PRKCI: variants seen among roughly 807,000 people sequenced by gnomAD.
The protein encoded by PRKCI is protein kinase C iota type.
Under a neutral mutation model 84.0 loss-of-function variants are expected in PRKCI, and 43 were observed. That is an observed-to-expected ratio of 0.51 (90% CI 0.40 to 0.66). PRKCI has a LOEUF of 0.66. Ranked by LOEUF, PRKCI falls within the 30% of genes least tolerant of loss-of-function variation. The pLI is 0.00. For missense variants in PRKCI, 459 were observed against 745.6 expected (o/e 0.62, Z 4.48); for synonymous variants, 216 against 234.4 (o/e 0.92, Z 0.72).
rs774108213 is a variant in PRKCI, at chr3:170,235,366, C to T, written c.223+15C>T. On this transcript the variant is annotated intron_variant, in intron 2 of 17. Transcript: ENST00000295797. ...AGATGAGGAAGGTGAGTGGTAAAGA[C>T]AGGGCTGCCTGTGTAAGCATTTTAA... The T allele has an allele frequency of 6.2e-7, 1 of 1,612,924 alleles. No homozygotes were observed. The highest frequency in any genetic ancestry group is 8.5e-7 in the Non-Finnish European group (1 of 1,179,298).
chr3:170,235,377 G>A (rs1418661997), intron 2 of PRKCI, 26 bp downstream of exon 2: 4 of 1,609,628 alleles, frequency 2.5e-6, no homozygotes, highest in East Asian at 2.2e-5. Context: ...AGGGCTGCCT[G>A]TGTAAGCATT....
intron 2 of PRKCI, among the ~76,000 whole-genome samples, chr3:170,258,923 A>G (rs2108847913): frequency 6.6e-6 from 1 of 152,300 alleles, no homozygotes; most frequent in East Asian, 1.9e-4. Flanking sequence ...TTTTAAAGAA[A>G]CAGGTAACAG....
At chr3:170,293,642 A>G in intron 14 of PRKCI, 134 bp downstream of exon 14, 1 of 1,079,296 alleles carries the variant, frequency 9.3e-7, no homozygotes, top group Non-Finnish European at 1.3e-6. Flanking sequence ...TGGTGGTATT[A>G]GGTTTTGTTG....
intron 1 of PRKCI, among the ~76,000 whole-genome samples, chr3:170,223,997 A>G (rs1442307808): frequency 6.6e-6 from 1 of 151,832 alleles, no homozygotes; most frequent in East Asian, 1.9e-4. Flanking sequence ...TACATGTGCC[A>G]TACTGGTGTG....
chr3:170,261,689 G>T (rs1733731959), intron 3 of PRKCI, among the ~76,000 whole-genome samples: 1 of 151,918 alleles, frequency 6.6e-6, no homozygotes, highest in South Asian at 2.1e-4. Context: ...TCACCATGTT[G>T]GCCAGGCTGG....
intron 5 of PRKCI, among the ~76,000 whole-genome samples, chr3:170,269,669 A>G (rs1733951493): frequency 6.6e-6 from 1 of 151,628 alleles, no homozygotes; most frequent in Non-Finnish European, 1.5e-5. Flanking sequence ...AATAAATAAA[A>G]AGAGAGACCA....
intron 2 of PRKCI, among the ~76,000 whole-genome samples, chr3:170,259,330 C>T (rs1733665953): frequency 6.6e-6 from 1 of 151,394 alleles, no homozygotes. Flanking sequence ...GTGATCATGT[C>T]ACTGCATTCA....
intron 12 of PRKCI, among the ~76,000 whole-genome samples, chr3:170,287,406 A>G (rs1040637985): frequency 6.6e-6 from 1 of 151,912 alleles, no homozygotes; most frequent in Non-Finnish European, 1.5e-5. Context: ...AAGTCTTAAC[A>G]TATAGAATTG....
At chr3:170,254,841 T>A (rs1329577624) in intron 2 of PRKCI, among the ~76,000 whole-genome samples, 1 of 152,124 alleles carries the variant, frequency 6.6e-6, no homozygotes, top group African/African-American at 2.4e-5. Flanking sequence ...TACAATGATT[T>A]TTTTCTATTT....
At chr3:170,270,274 A>G (rs1733965881) in intron 5 of PRKCI, 147 bp from the exon 6 acceptor site, 11 of 716,452 alleles carry the variant, frequency 1.5e-5, no homozygotes, top group Non-Finnish European at 2.2e-5. Flanking sequence ...AAAATTATGT[A>G]TGAGGAAGCT....
chr3:170,276,381 G>A (rs1360066690), intron 8 of PRKCI, among the ~76,000 whole-genome samples: 1 of 151,984 alleles, frequency 6.6e-6, no homozygotes, highest in Non-Finnish European at 1.5e-5. Flanking sequence ...GAAGAAACCT[G>A]TTAGTCACCT....
At chr3:170,224,616 C>T (rs901164077) in intron 1 of PRKCI, among the ~76,000 whole-genome samples, 2 of 152,146 alleles carry the variant, frequency 1.3e-5, no homozygotes, top group Admixed American at 6.5e-5. Flanking sequence ...CTCCGCCTCC[C>T]GGGTTCAAGC....
chr3:170,240,703 T>C (rs553272928), intron 2 of PRKCI, among the ~76,000 whole-genome samples: 58 of 152,354 alleles, frequency 3.8e-4, no homozygotes, highest in Non-Finnish European at 6.8e-4. Context: ...GACAGGACAG[T>C]CACTTGATTT....
At chr3:170,247,271 G>A (rs925467890) in intron 2 of PRKCI, among the ~76,000 whole-genome samples, 6 of 151,724 alleles carry the variant, frequency 4.0e-5, no homozygotes, top group Non-Finnish European at 1.5e-5. Context: ...GCCCAGGCTG[G>A]TCTTGAACTC....
At chr3:170,276,846 A>G (rs1734126803) in intron 8 of PRKCI, among the ~76,000 whole-genome samples, 1 of 152,064 alleles carries the variant, frequency 6.6e-6, no homozygotes, top group South Asian at 2.1e-4. Context: ...TAAACAGACA[A>G]CCTAAAGAAT....
intron 15 of PRKCI, 35 bp downstream of exon 15, chr3:170,296,025 T>A: frequency 7.8e-7 from 1 of 1,281,442 alleles, no homozygotes; most frequent in Non-Finnish European, 1.1e-6. Context: ...TTGTGATTTG[T>A]CTCTTTCTAT....
chr3:170,276,532 C>G (rs925224665), intron 8 of PRKCI, among the ~76,000 whole-genome samples: 1 of 151,716 alleles, frequency 6.6e-6, no homozygotes, highest in Non-Finnish European at 1.5e-5. Context: ...TGATGGCTCA[C>G]TACAGCCTCA....
At chr3:170,229,756 C>G (rs78689028) in intron 1 of PRKCI, among the ~76,000 whole-genome samples, 3,254 of 152,144 alleles carry the variant, frequency 0.021, 62 homozygotes, top group East Asian at 0.1. Context: ...ATATTGTTTC[C>G]CAAAAGAGCT....
At chr3:170,232,849 A>T (rs1186908764) in intron 1 of PRKCI, among the ~76,000 whole-genome samples, 1 of 152,180 alleles carries the variant, frequency 6.6e-6, no homozygotes, top group Non-Finnish European at 1.5e-5. Context: ...CCAAAACTGG[A>T]CCTTGAACTT....
Sources: allele counts gnomAD v4.1 joint callset (sites outside exome capture counted in the v4.1 genomes callset), GRCh38; gene constraint gnomAD v4.1.1; transcripts MANE v1.5; gene names NCBI Gene and HGNC (gene_info 2026-07-23, HGNC 2026-07-21).